The following PRUNE2 variants were observed in gnomAD, a reference collection of about 807,000 sequenced individuals.
PRUNE2 encodes the protein protein prune homolog 2.
Under a neutral mutation model 252.0 loss-of-function variants are expected in PRUNE2, and 164 were observed. The observed-to-expected ratio is 0.65, with a 90% CI of 0.57 to 0.74. PRUNE2 has a LOEUF of 0.74. Ranked by LOEUF, PRUNE2 falls within the 30% of genes least tolerant of loss-of-function variation. The pLI is 0.00. For synonymous variants in PRUNE2, 1,292 were observed against 1,350.2 expected (o/e 0.96, Z 0.94); for missense variants, 3,495 against 3,711.0 (o/e 0.94, Z 1.51).
chr9:76,651,033 T>TG (rs549240515), intron 11 of PRUNE2, among the ~76,000 whole-genome samples: 40 of 152,262 alleles, frequency 2.6e-4, no homozygotes, highest in African/African-American at 9.1e-4. Flanking sequence ...CTCTCTGGGA[T>TG]GACAGGAAAT....
chr9:76,669,335 TTGA>T (rs1334307511), intron 9 of PRUNE2, among the ~76,000 whole-genome samples: 1 of 152,042 alleles, frequency 6.6e-6, no homozygotes, highest in Non-Finnish European at 1.5e-5. Context: ...TCTTTTTTTT[TTGA>T]GATGAAGTTT....
At chr9:76,820,917 AT>A (rs1304864966) in intron 6 of PRUNE2, among the ~76,000 whole-genome samples, 1 of 152,228 alleles carries the variant, frequency 6.6e-6, no homozygotes, top group East Asian at 1.9e-4. Context: ...GCAAACACCC[AT>A]AAGTATTAAC....
intron 6 of PRUNE2, among the ~76,000 whole-genome samples, chr9:76,777,675 T>TA (rs2053947891): frequency 6.6e-6 from 1 of 152,170 alleles, no homozygotes; most frequent in Non-Finnish European, 1.5e-5. Flanking sequence ...AATACATATA[T>TA]AAACAAGTAG....
intron 12 of PRUNE2, among the ~76,000 whole-genome samples, chr9:76,643,760 T>C (rs1420584797): frequency 3.3e-5 from 5 of 152,166 alleles, no homozygotes; most frequent in Non-Finnish European, 7.3e-5. Context: ...GGGGTAGCAA[T>C]GTATGGGATG....
chr9:76,840,114 A>G (rs2059299642), intron 4 of PRUNE2, among the ~76,000 whole-genome samples: 1 of 152,230 alleles, frequency 6.6e-6, no homozygotes, highest in African/African-American at 2.4e-5. Context: ...CCTGTGTATA[A>G]TATTTAAAGT....
chr9:76,766,561 C>A (rs1315108168), intron 6 of PRUNE2, among the ~76,000 whole-genome samples: 1 of 152,150 alleles, frequency 6.6e-6, no homozygotes, highest in Non-Finnish European at 1.5e-5. Flanking sequence ...ATGGATAGTG[C>A]CTCTCCCATC....
intron 9 of PRUNE2, among the ~76,000 whole-genome samples, chr9:76,658,491 A>G (rs1380208194): frequency 6.6e-6 from 1 of 152,246 alleles, no homozygotes; most frequent in Non-Finnish European, 1.5e-5. Flanking sequence ...CTTCAACCAC[A>G]TTCATACATT....
intron 9 of PRUNE2, among the ~76,000 whole-genome samples, chr9:76,657,664 C>A (rs7018789): frequency 0.32 from 48,684 of 152,076 alleles, 9,844 homozygotes; most frequent in African/African-American, 0.58. Context: ...TAAATACAAT[C>A]CAAATAAAAG....
chr9:76,733,750 G>A (rs1273586156), intron 6 of PRUNE2: 2 of 151,982 alleles, frequency 1.3e-5, no homozygotes, highest in African/African-American at 4.8e-5. Flanking sequence ...TAATTAATTT[G>A]CCTGTACAAT....
chr9:76,727,160 G>C (rs2048170682), intron 6 of PRUNE2, among the ~76,000 whole-genome samples: 1 of 152,150 alleles, frequency 6.6e-6, no homozygotes, highest in Admixed American at 6.5e-5. Context: ...CCAGTAGCAA[G>C]CTCCCTGCCC....
chr9:76,809,693 A>AAAAC (rs887447364), intron 6 of PRUNE2, among the ~76,000 whole-genome samples: 1 of 152,160 alleles, frequency 6.6e-6, no homozygotes, highest in Non-Finnish European at 1.5e-5. Context: ...AGACTCCATC[A>AAAAC]AAACAAACAA....
chr9:76,702,353 T>A (rs1244160013), intron 9 of PRUNE2, among the ~76,000 whole-genome samples: 1 of 152,214 alleles, frequency 6.6e-6, no homozygotes, highest in Admixed American at 6.5e-5. Context: ...CCACCGCACC[T>A]GGCCGATATC....
chr9:76,801,375 TACA>T (rs2056540630), intron 6 of PRUNE2, among the ~76,000 whole-genome samples: 3 of 152,188 alleles, frequency 2.0e-5, no homozygotes, highest in Non-Finnish European at 4.4e-5. Flanking sequence ...TTGGCATGGA[TACA>T]ACAATTCAAC....
intron 1 of PRUNE2, among the ~76,000 whole-genome samples, chr9:76,886,846 A>G (rs2133399889): frequency 6.6e-6 from 1 of 152,264 alleles, no homozygotes; most frequent in African/African-American, 2.4e-5. Context: ...TTAACTCAGG[A>G]ACATAAATCT....
At chr9:76,857,883 C>A (rs1162949294) in intron 1 of PRUNE2, among the ~76,000 whole-genome samples, 1 of 152,090 alleles carries the variant, frequency 6.6e-6, no homozygotes, top group Non-Finnish European at 1.5e-5. Flanking sequence ...TCTATAGGGG[C>A]TGCAACTAGT....
intron 1 of PRUNE2, among the ~76,000 whole-genome samples, chr9:76,884,993 G>T (rs932913546): frequency 1.3e-5 from 2 of 152,210 alleles, no homozygotes; most frequent in African/African-American, 4.8e-5. Flanking sequence ...AGAGGAAACA[G>T]AAACAGAATC....
At chr9:76,693,866 G>A (rs1454034028) in intron 9 of PRUNE2, among the ~76,000 whole-genome samples, 2 of 152,098 alleles carry the variant, frequency 1.3e-5, no homozygotes, top group Admixed American at 6.5e-5. Context: ...AATTTCTCAC[G>A]TGCCATGTAT....
chr9:76,754,374 C>T (rs762500712), intron 6 of PRUNE2, among the ~76,000 whole-genome samples: 2 of 152,182 alleles, frequency 1.3e-5, no homozygotes, highest in Non-Finnish European at 2.9e-5. Context: ...CCCAGGACAG[C>T]CCAACTTCAC....
chr9:76,814,283 C>T (rs564209885), intron 6 of PRUNE2, among the ~76,000 whole-genome samples: 1 of 152,290 alleles, frequency 6.6e-6, no homozygotes, highest in East Asian at 1.9e-4. Context: ...TATTCTGAGA[C>T]ACCTGAGGTT....
Sources: gnomAD v4.1 joint callset for allele counts (sites outside exome capture counted in the v4.1 genomes callset) on GRCh38, gnomAD v4.1.1 for gene constraint, MANE v1.5 for transcripts, NCBI Gene and HGNC (gene_info 2026-07-23, HGNC 2026-07-21) for gene names.